HERC3: variants seen among roughly 807,000 people sequenced by gnomAD.
HERC3 encodes the protein HECT and RLD domain containing E3 ubiquitin protein ligase 3.
In HERC3, 58 loss-of-function variants were observed where a neutral mutation model predicts 129.9. The observed-to-expected ratio is 0.45, with a 90% CI of 0.36 to 0.56. The LOEUF (loss-of-function observed/expected upper bound fraction) is 0.56, where lower values mean the gene tolerates loss of function less well. Among genes scored for constraint, HERC3 ranks in the 20% least tolerant of loss-of-function variants. The pLI, the probability that HERC3 is intolerant of heterozygous loss-of-function variation, is 0.00. For synonymous variants in HERC3, 430 were observed against 451.0 expected (o/e 0.95, Z 0.59); for missense variants, 835 against 1,244.2 (o/e 0.67, Z 4.95).
chr4:88,548,961 C>G, the HERC3 span, among the ~76,000 whole-genome samples: 2 of 152,018 alleles, frequency 1.3e-5, no homozygotes, highest in Non-Finnish European at 2.9e-5. Context: ...GCGCCCGGCC[C>G]ATCTTTTCAC....
At chr4:88,561,243 T>A in the HERC3 span, among the ~76,000 whole-genome samples, 4 of 152,198 alleles carry the variant, frequency 2.6e-5, no homozygotes, top group African/African-American at 9.6e-5. Flanking sequence ...ATTGCCTCAA[T>A]ATTGCTGATT....
chr4:88,559,822 C>T, the HERC3 span, among the ~76,000 whole-genome samples: 13 of 152,124 alleles, frequency 8.5e-5, no homozygotes, highest in Admixed American at 1.3e-4. Context: ...ATTGCTGGGC[C>T]ATACAGTAGT....
intron 3 of HERC3, among the ~76,000 whole-genome samples, chr4:88,608,869 A>G (rs148232017): frequency 0.017 from 2,556 of 152,330 alleles, 59 homozygotes; most frequent in African/African-American, 0.058. Flanking sequence ...AACTCTAGCC[A>G]GCCTTTGAAG....
At chr4:88,654,346 TTTCATATATATA>T (rs1349112873) in intron 7 of HERC3, among the ~76,000 whole-genome samples, 5 of 79,728 alleles carry the variant, frequency 6.3e-5, no homozygotes, top group Admixed American at 1.5e-4. Flanking sequence ...CTTGTAGATT[TTTCATATATATA>T]TATATATATA....
the HERC3 span, among the ~76,000 whole-genome samples, chr4:88,530,244 C>CA: frequency 6.6e-6 from 1 of 151,642 alleles, no homozygotes; most frequent in African/African-American, 2.4e-5. Flanking sequence ...GAGCCAAGAT[C>CA]GTGCCACTGC....
chr4:88,654,367 TATATATATATATATATATATAC>T (rs1729635930), intron 7 of HERC3, among the ~76,000 whole-genome samples: 1 of 125,456 alleles, frequency 8.0e-6, no homozygotes, highest in Non-Finnish European at 1.5e-5. Flanking sequence ...TATATATATA[TATATATATATATATATATATAC>T]ACACACACAC....
the HERC3 span, among the ~76,000 whole-genome samples, chr4:88,581,790 A>G: frequency 3.9e-5 from 6 of 152,168 alleles, no homozygotes; most frequent in African/African-American, 1.4e-4. Flanking sequence ...TCAGTGTTTT[A>G]CAGAATATTT....
intron 23 of HERC3, among the ~76,000 whole-genome samples, chr4:88,702,889 T>C (rs1428263657): frequency 6.6e-6 from 1 of 152,172 alleles, no homozygotes; most frequent in Non-Finnish European, 1.5e-5. Context: ...CTATGGACAA[T>C]GGCCAGGCCA....
In HERC3 at chr4:88,667,393, A is replaced by C; in HGVS notation, c.1348A>C (p.Lys450Gln). Residue 450 changes from lysine (K) to glutamine (Q), a missense_variant, in exon 13 of 26, where the codon AAA (lysine) becomes CAA (glutamine). By Grantham distance (53) the Lys-to-Gln change is moderately conservative. Coordinates refer to ENST00000402738, the MANE Select transcript of HERC3 (RefSeq NM_014606.3). ...FLEKKIDEHF[K>Q]TSPKIPGIDL... ...TTTGTTTAGAATTGATGAACATTTT[A>C]AAACGAGTCCCAAAATCCCTGGGAT... 6.3e-7 allele frequency: 1 copy of C among 1,597,532 alleles called. No individual in the cohort carries two copies. Among genetic ancestry groups the C allele is most frequent in the Non-Finnish European group, 8.5e-7 (1 of 1,171,374 alleles).
the HERC3 span, among the ~76,000 whole-genome samples, chr4:88,570,915 A>C: frequency 6.7e-6 from 1 of 150,166 alleles, no homozygotes; most frequent in Non-Finnish European, 1.5e-5. Flanking sequence ...CACCACCCCC[A>C]GCTAATTTTT....
At chr4:88,537,172 A>T in the HERC3 span, among the ~76,000 whole-genome samples, 1 of 152,236 alleles carries the variant, frequency 6.6e-6, no homozygotes, top group Non-Finnish European at 1.5e-5. Flanking sequence ...TTATGAATTT[A>T]AATTTCACCA....
intron 23 of HERC3, chr4:88,696,033 T>C (rs957828036): frequency 6.6e-6 from 1 of 152,666 alleles, no homozygotes; most frequent in African/African-American, 2.4e-5. Flanking sequence ...TAAGAGTCTT[T>C]ACATTAAATA....
chr4:88,533,959 C>G, the HERC3 span, among the ~76,000 whole-genome samples: 7 of 152,234 alleles, frequency 4.6e-5, no homozygotes, highest in African/African-American at 1.7e-4. Context: ...TTTTTTTACT[C>G]CCTTCCTCCC....
chr4:88,692,503 T>G (rs1018704084), intron 23 of HERC3, among the ~76,000 whole-genome samples: 1 of 152,180 alleles, frequency 6.6e-6, no homozygotes, highest in Non-Finnish European at 1.5e-5. Context: ...TTCTTGCTCC[T>G]TAAGATCTAC....
intron 20 of HERC3, among the ~76,000 whole-genome samples, chr4:88,680,624 G>C (rs1732670461): frequency 6.6e-6 from 1 of 152,210 alleles, no homozygotes; most frequent in African/African-American, 2.4e-5. Context: ...AACTTCAGTA[G>C]GAGAGCTAAG....
At chr4:88,625,056 TCTTTC>T (rs1725944282) in intron 3 of HERC3, among the ~76,000 whole-genome samples, 1 of 152,236 alleles carries the variant, frequency 6.6e-6, no homozygotes, top group African/African-American at 2.4e-5. Flanking sequence ...CATCTACATG[TCTTTC>T]CTTAGTATTA....
intron 9 of HERC3, chr4:88,656,270 A>G: frequency 1.9e-6 from 1 of 513,092 alleles, no homozygotes. Context: ...CATTGCTGTA[A>G]AGAGCACCTG....
chr4:88,570,548 GA>G, the HERC3 span, among the ~76,000 whole-genome samples: 5 of 152,024 alleles, frequency 3.3e-5, no homozygotes, highest in African/African-American at 1.2e-4. Flanking sequence ...TTCATCCACT[GA>G]ACACATTTAT....
At chr4:88,638,693 C>G (rs556004139) in intron 3 of HERC3, among the ~76,000 whole-genome samples, 7 of 152,262 alleles carry the variant, frequency 4.6e-5, no homozygotes, top group African/African-American at 1.7e-4. Flanking sequence ...GACAAGGATG[C>G]CATCTTTCAC....
Sources: gnomAD v4.1 joint callset for allele counts (sites outside exome capture counted in the v4.1 genomes callset) on GRCh38, gnomAD v4.1.1 for gene constraint, MANE v1.5 for transcripts, NCBI Gene and HGNC (gene_info 2026-07-23, HGNC 2026-07-21) for gene names.